Variants in MLLT3 observed in about 807,000 individuals in gnomAD.
MLLT3 encodes the protein protein AF-9.
Under a neutral mutation model 53.2 loss-of-function variants are expected in MLLT3, and 4 were observed. That is an observed-to-expected ratio of 0.08 (90% CI 0.04 to 0.17). The LOEUF (loss-of-function observed/expected upper bound fraction) is 0.17, where lower values mean the gene tolerates loss of function less well. Ranked by LOEUF, MLLT3 falls within the 10% of genes least tolerant of loss-of-function variation. MLLT3 has a pLI of 1.00. For synonymous variants in MLLT3, 283 were observed against 230.6 expected (o/e 1.23, Z -2.06); for missense variants, 569 against 684.0 (o/e 0.83, Z 1.87).
chr9:20,551,681 G>A (rs1384009783), intron 2 of MLLT3, among the ~76,000 whole-genome samples: 2 of 152,152 alleles, frequency 1.3e-5, no homozygotes, highest in Admixed American at 6.5e-5. Context: ...CATGACTTCA[G>A]TATTTAATAG....
chr9:20,380,696 G>A (rs1236723328), intron 5 of MLLT3, among the ~76,000 whole-genome samples: 1 of 151,936 alleles, frequency 6.6e-6, no homozygotes, highest in Non-Finnish European at 1.5e-5. Context: ...CGAAAAGCAA[G>A]GAGAAAACAC....
rs745499443 is a variant in MLLT3 at position 20,353,642 on chromosome 9, T to C, written c.1504-46A>G. The C allele has an allele frequency of 1.1e-5, 16 of 1,492,424 alleles. No homozygotes were observed. The South Asian group carries it at 1.5e-4, about 14-fold the overall frequency. 92.4% of individuals were successfully genotyped at this position (1,492,424 alleles called of 1,614,324 possible). ...CGAAAAGGACAAGCACTTTAAGTAG[T>C]AGTTCAAAAATAAATGAATATGTAA... On this transcript the variant is annotated intron_variant, in intron 9 of 10. Transcript: ENST00000380338.
chr9:20,531,561 T>A (rs1291770607), intron 2 of MLLT3, among the ~76,000 whole-genome samples: 3 of 152,208 alleles, frequency 2.0e-5, no homozygotes, highest in Non-Finnish European at 4.4e-5. Flanking sequence ...TTCTGCAGCA[T>A]CCTCAATGAG....
chr9:20,355,875 A>G (rs1342496934), intron 8 of MLLT3, among the ~76,000 whole-genome samples: 2 of 152,214 alleles, frequency 1.3e-5, no homozygotes, highest in Non-Finnish European at 2.9e-5. Context: ...TCTGTGCCCT[A>G]ACTTAGTAAC....
chr9:20,387,396 G>T (rs1822066182), intron 5 of MLLT3, among the ~76,000 whole-genome samples: 1 of 152,238 alleles, frequency 6.6e-6, no homozygotes, highest in Non-Finnish European at 1.5e-5. Flanking sequence ...TGTTACATCA[G>T]ATTTCTCTGA....
intron 4 of MLLT3, among the ~76,000 whole-genome samples, chr9:20,430,393 A>G (rs868743689): frequency 2.6e-5 from 4 of 152,142 alleles, no homozygotes; most frequent in African/African-American, 9.7e-5. Flanking sequence ...GATAGTAATT[A>G]CAACATTGTA....
At chr9:20,619,821 C>T (rs1165671560) in intron 2 of MLLT3, among the ~76,000 whole-genome samples, 1 of 152,122 alleles carries the variant, frequency 6.6e-6, no homozygotes, top group Non-Finnish European at 1.5e-5. Context: ...ACCACAGAGG[C>T]CCAGTAGGAT....
chr9:20,503,154 A>G (rs1355105387), intron 2 of MLLT3, among the ~76,000 whole-genome samples: 1 of 152,208 alleles, frequency 6.6e-6, no homozygotes, highest in Non-Finnish European at 1.5e-5. Flanking sequence ...TTCCCCAATC[A>G]AAATTTCAAT....
intron 2 of MLLT3, among the ~76,000 whole-genome samples, chr9:20,459,100 G>C (rs917103680): frequency 6.6e-6 from 1 of 152,060 alleles, no homozygotes. Flanking sequence ...TATATGTAAG[G>C]AAACAGAAGC....
intron 2 of MLLT3, among the ~76,000 whole-genome samples, chr9:20,518,797 A>T (rs1309583674): frequency 6.6e-6 from 1 of 152,210 alleles, no homozygotes; most frequent in African/African-American, 2.4e-5. Context: ...ATCAAGGGAC[A>T]TTCTACAAAA....
chr9:20,510,475 G>A (rs1299582650), intron 2 of MLLT3, among the ~76,000 whole-genome samples: 2 of 152,002 alleles, frequency 1.3e-5, no homozygotes, highest in African/African-American at 2.4e-5. Flanking sequence ...AGCCAGGTGT[G>A]GTGGAGTGCA....
At chr9:20,433,522 G>A (rs995587476) in intron 4 of MLLT3, among the ~76,000 whole-genome samples, 19 of 152,010 alleles carry the variant, frequency 1.2e-4, no homozygotes, top group South Asian at 8.3e-4. Context: ...GATGCCATTC[G>A]AATCAAGTAA....
At chr9:20,619,918 G>A (rs1025423782) in intron 2 of MLLT3, among the ~76,000 whole-genome samples, 15 of 152,142 alleles carry the variant, frequency 9.9e-5, no homozygotes, top group African/African-American at 2.9e-4. Context: ...CTTCAACTTA[G>A]CTTCGACCTT....
chr9:20,464,808 C>A (rs1276217460), intron 2 of MLLT3, among the ~76,000 whole-genome samples: 1 of 152,062 alleles, frequency 6.6e-6, no homozygotes, highest in African/African-American at 2.4e-5. Context: ...TCCTGTATAA[C>A]TGAGGTGAAA....
At position 20,363,608 on chromosome 9, in the gene MLLT3, G is replaced by T. The variant is rs770713677; in HGVS notation, c.1202-3C>A. On this transcript the variant is annotated splice_region_variant and splice_polypyrimidine_tract_variant and intron_variant, in intron 6 of 10. Transcript: ENST00000380338. ...TTTCATTATAGACCTCAAAGGACCT[G>T]AGTAATGACAATGAACCACAGGCAA... 3.1e-6 allele frequency: 5 copies of T among 1,613,010 alleles called. No homozygotes were observed. Among genetic ancestry groups the T allele is most frequent in the Non-Finnish European group, 4.2e-6 (5 of 1,179,790 alleles).
intron 8 of MLLT3, among the ~76,000 whole-genome samples, chr9:20,359,419 T>C (rs768438362): frequency 2.0e-5 from 3 of 152,100 alleles, no homozygotes; most frequent in African/African-American, 7.2e-5. Flanking sequence ...AGAGCCAGGA[T>C]ATGGAAAAAG....
At chr9:20,575,318 T>C (rs1439219164) in intron 2 of MLLT3, among the ~76,000 whole-genome samples, 2 of 152,196 alleles carry the variant, frequency 1.3e-5, no homozygotes, top group Non-Finnish European at 2.9e-5. Context: ...GAGAAATTAC[T>C]ATCTATGGCA....
intron 4 of MLLT3, among the ~76,000 whole-genome samples, chr9:20,433,626 A>G (rs1309667297): frequency 6.6e-6 from 1 of 152,146 alleles, no homozygotes; most frequent in African/African-American, 2.4e-5. Context: ...CCAAAGATGC[A>G]TAACATGAAT....
chr9:20,415,336 T>G, intron 4 of MLLT3: 1 of 372,598 alleles, frequency 2.7e-6, no homozygotes, highest in Non-Finnish European at 3.7e-6. Context: ...GCCTATTTCA[T>G]TTTAAATATG....
Sources: allele counts gnomAD v4.1 joint callset (sites outside exome capture counted in the v4.1 genomes callset), GRCh38; gene constraint gnomAD v4.1.1; transcripts MANE v1.5; gene names NCBI Gene and HGNC (gene_info 2026-07-23, HGNC 2026-07-21).